Variants in TNS3 observed in about 807,000 individuals in gnomAD.
The protein encoded by TNS3 is tensin-3.
Under a neutral mutation model 140.9 loss-of-function variants are expected in TNS3, and 45 were observed. The observed-to-expected ratio is 0.32, with a 90% confidence interval of 0.25 to 0.41. TNS3 has a LOEUF of 0.41. Among genes scored for constraint, TNS3 ranks in the 10% least tolerant of loss-of-function variants. The pLI is 1.00. For missense variants in TNS3, 1,716 were observed against 1,906.7 expected (o/e 0.90, Z 1.86); for synonymous variants, 815 against 788.4 (o/e 1.03, Z -0.56).
intron 1 of TNS3, among the ~76,000 whole-genome samples, 164 bp from the exon 2 acceptor site, chr7:47,529,311 T>C (rs1383437555): frequency 1.3e-5 from 2 of 152,128 alleles, no homozygotes; most frequent in African/African-American, 4.8e-5. Flanking sequence ...ATGCTAAAAT[T>C]CCCAAGACGA....
chr7:47,431,526 G>T (rs1402189344), intron 8 of TNS3, among the ~76,000 whole-genome samples: 1 of 152,198 alleles, frequency 6.6e-6, no homozygotes, highest in Non-Finnish European at 1.5e-5. Flanking sequence ...CTGGGAGTTG[G>T]AGGTTGCAGT....
intron 3 of TNS3, among the ~76,000 whole-genome samples, chr7:47,493,373 A>C (rs1584767117): frequency 6.6e-6 from 1 of 152,240 alleles, no homozygotes; most frequent in Non-Finnish European, 1.5e-5. Context: ...AAGAAAAGGT[A>C]TAAACATACA....
intron 3 of TNS3, among the ~76,000 whole-genome samples, chr7:47,487,297 G>A (rs116963159): frequency 2.3e-4 from 34 of 145,830 alleles, no homozygotes; most frequent in Non-Finnish European, 2.6e-4. Flanking sequence ...CGTCTCAAAA[G>A]AAAAAAAAAA....
intron 1 of TNS3, among the ~76,000 whole-genome samples, chr7:47,566,007 A>G (rs1800421526): frequency 1.8e-5 from 2 of 109,348 alleles, no homozygotes; most frequent in African/African-American, 7.0e-5. Flanking sequence ...TAACAGCTTC[A>G]CTGGGGTTTC....
chr7:47,391,314 G>C (rs532004932), intron 16 of TNS3, among the ~76,000 whole-genome samples: 1 of 152,190 alleles, frequency 6.6e-6, no homozygotes, highest in Non-Finnish European at 1.5e-5. Flanking sequence ...ATGTATATCT[G>C]TGTCTTCCCA....
At chr7:47,423,582 G>C (rs1794492389) in intron 10 of TNS3, among the ~76,000 whole-genome samples, 1 of 152,226 alleles carries the variant, frequency 6.6e-6, no homozygotes, top group Non-Finnish European at 1.5e-5. Flanking sequence ...TACAAGAATT[G>C]GCCAAGTGCA....
chr7:47,368,376 G>T lies in TNS3; in HGVS notation c.2270C>A (p.Thr757Asn). ...GAGACCCAGCTCACCTTGCCGCCCG[G>T]TGGCCCTGCTGGGGCCCTCTCCTGT... ...PDTGEGPSRA[T>N]GRQGSSAEQP... The change falls in exon 17 of 31, where the codon ACC becomes AAC. Residue 757 changes from threonine to asparagine, a missense_variant. Thr to Asn is a moderately conservative substitution (Grantham distance 65). Around this residue, in one of 3 missense-constraint regions of TNS3, gnomAD observed 1,163 missense variants for 1,182.1 expected, o/e 0.98. Transcript: ENST00000311160. The T allele has an allele frequency of 6.7e-7, 1 of 1,486,498 alleles. No homozygotes were observed. 92.1% of individuals were successfully genotyped at this position (1,486,498 alleles called of 1,614,324 possible). A position where few individuals can be genotyped will look rare whatever the true frequency, so the allele number is the denominator to read the frequency against.
intron 20 of TNS3, among the ~76,000 whole-genome samples, chr7:47,326,039 A>G (rs1359485967): frequency 6.6e-6 from 1 of 152,230 alleles, no homozygotes; most frequent in East Asian, 1.9e-4. Flanking sequence ...TGTTGCCATC[A>G]GTACAGGTGC....
At chr7:47,284,482 G>C (rs944849176) in intron 27 of TNS3, among the ~76,000 whole-genome samples, 1 of 152,186 alleles carries the variant, frequency 6.6e-6, no homozygotes, top group Admixed American at 6.5e-5. Flanking sequence ...CTCCTCTTGG[G>C]AGAAGAAAAA....
At chr7:47,474,148 C>A (rs1180506233) in intron 4 of TNS3, among the ~76,000 whole-genome samples, 3 of 107,392 alleles carry the variant, frequency 2.8e-5, no homozygotes, top group African/African-American at 1.1e-4. Flanking sequence ...ACACACACAA[C>A]ACACATAAAA....
intron 1 of TNS3, among the ~76,000 whole-genome samples, chr7:47,561,138 TC>T (rs1800312200): frequency 6.6e-6 from 1 of 152,238 alleles, no homozygotes; most frequent in Non-Finnish European, 1.5e-5. Flanking sequence ...TGCTCATGCC[TC>T]TGTAGTCCCA....
intron 20 of TNS3, among the ~76,000 whole-genome samples, chr7:47,330,125 C>T (rs920438128): frequency 1.3e-5 from 2 of 152,168 alleles, no homozygotes; most frequent in Non-Finnish European, 2.9e-5. Flanking sequence ...CTGCTCCCCC[C>T]ACCCAAACAC....
intron 1 of TNS3, among the ~76,000 whole-genome samples, chr7:47,565,818 A>G (rs1800416703): frequency 6.6e-6 from 1 of 152,206 alleles, no homozygotes; most frequent in Non-Finnish European, 1.5e-5. Flanking sequence ...ATCTTAGGCA[A>G]AAATTCACAT....
intron 3 of TNS3, among the ~76,000 whole-genome samples, chr7:47,491,575 T>C (rs550413456): frequency 6.6e-6 from 1 of 152,296 alleles, no homozygotes; most frequent in Admixed American, 6.5e-5. Context: ...GCAGCATAGT[T>C]ACCGAAGGCC....
rs866327664 is a variant in TNS3 at position 47,442,003 on chromosome 7, C to T, written c.-23G>A. On this transcript the variant is annotated splice_region_variant and 5_prime_UTR_variant, in exon 5 of 31. Coordinates refer to ENST00000311160, the MANE Select transcript of TNS3 (RefSeq NM_022748.12). ...ATGCATGACCCACACAGACACTCAC[C>T]GCAGAGGTTTATCACGGCAGAGAGA... 11 of 1,290,220 alleles carry T rather than the reference C, an allele frequency of 8.5e-6. No homozygotes were observed. Among genetic ancestry groups the T allele is most frequent in the African/African-American group, 3.0e-5 (2 of 65,848 alleles). 79.9% of individuals were successfully genotyped at this position (1,290,220 alleles called of 1,614,324 possible).
At chr7:47,414,269 G>A (rs961731546) in intron 11 of TNS3, among the ~76,000 whole-genome samples, 2 of 152,178 alleles carry the variant, frequency 1.3e-5, no homozygotes, top group Admixed American at 1.3e-4. Flanking sequence ...CCAACTAGCA[G>A]CTTGGCAAGG....
intron 18 of TNS3, among the ~76,000 whole-genome samples, chr7:47,345,790 C>T (rs1789301158): frequency 6.6e-6 from 1 of 152,208 alleles, no homozygotes; most frequent in Non-Finnish European, 1.5e-5. Flanking sequence ...CCACTGGCTG[C>T]TGCTGTCGGG....
intron 2 of TNS3, among the ~76,000 whole-genome samples, chr7:47,523,238 CT>C (rs1182201547): frequency 6.6e-6 from 1 of 152,086 alleles, no homozygotes; most frequent in Non-Finnish European, 1.5e-5. Context: ...ACCCATGAGG[CT>C]CCACTCACAA....
intron 17 of TNS3, among the ~76,000 whole-genome samples, chr7:47,356,515 CT>C (rs979848974): frequency 3.3e-4 from 51 of 152,320 alleles, no homozygotes; most frequent in African/African-American, 1.1e-3. Context: ...ATTTTTAAAG[CT>C]CCCCAGGTGA....
Sources: allele counts gnomAD v4.1 joint callset (sites outside exome capture counted in the v4.1 genomes callset), GRCh38; gene constraint gnomAD v4.1.1; regional missense constraint gnomAD v4.1.1; transcripts MANE v1.5; gene names NCBI Gene and HGNC (gene_info 2026-07-23, HGNC 2026-07-21).